The following ITSN1 variants were observed in gnomAD, a reference collection of about 807,000 sequenced individuals.
The protein encoded by ITSN1 is intersectin 1, also known as intersectin-1.
Under a neutral mutation model 239.8 loss-of-function variants are expected in ITSN1, and 58 were observed. The ratio of observed to expected loss-of-function variants is 0.24; its 90% CI spans 0.20 to 0.30. The LOEUF is 0.30. ITSN1 is among the 10% of genes least tolerant of loss of function. ITSN1 has a pLI of 1.00. For missense variants in ITSN1, 1,558 were observed against 2,103.3 expected, an observed-to-expected ratio of 0.74 and a Z score of 5.07; for synonymous variants, 780 against 770.8, an observed-to-expected ratio of 1.01 and a Z score of -0.20.
At chr21:33,819,172 A>G in intron 23 of ITSN1, 69 bp from the exon 24 acceptor site, 1 of 1,209,582 alleles carries the variant, frequency 8.3e-7, no homozygotes, top group Non-Finnish European at 1.2e-6. Context: ...TTTAACAGAA[A>G]AATCAGTGTC....
At position 33,768,846 on chromosome 21, in the gene ITSN1, G is replaced by A. The variant is rs189499695; in HGVS notation, c.1042+1018G>A. Reference sequence around the variant, plus strand: ...TTTTGTTCACTGATGAAATACTATTGGAAATATTTTACGTGCAAGCCTGCA... The same window carrying A: ...TTTTGTTCACTGATGAAATACTATTAGAAATATTTTACGTGCAAGCCTGCA... On this transcript the variant is annotated intron_variant, in intron 11 of 39. Transcript: ENST00000381318. Among the ~76,000 whole-genome samples the A allele has an allele frequency of 2.7e-3, 415 of 152,230 alleles. 2 individuals carry two copies. The highest frequency in any genetic ancestry group is 9.6e-3 in the African/African-American group (397 of 41,520).
intron 1 of ITSN1, among the ~76,000 whole-genome samples, chr21:33,713,426 T>G (rs937253396): frequency 6.6e-6 from 1 of 151,856 alleles, no homozygotes; most frequent in Non-Finnish European, 1.5e-5. Context: ...GTATTTTTAG[T>G]AGAGACGGGG....
rs1218525115 is a variant in ITSN1 at position 33,755,301 on chromosome 21, C to T, written c.628C>T (p.Pro210Ser). ...KAQSFDVASVPPVAEWAVPQS... is the reference protein window; with the variant it reads ...KAQSFDVASVSPVAEWAVPQS... Reference sequence around the variant, plus strand: ...TCCTTTTTCTTTTCCCCACAGTGTCCCACCAGTGGCAGAGTGGGCTGTTCC... The same window carrying T: ...TCCTTTTTCTTTTCCCCACAGTGTCTCACCAGTGGCAGAGTGGGCTGTTCC... Residue 210 changes from proline to serine, a missense_variant, in exon 8 of 40, where the codon CCA (proline) becomes TCA (serine). Around this residue, in one of 2 missense-constraint regions of ITSN1, gnomAD observed 982 missense variants for 1,209.9 expected, o/e 0.81. Transcript: ENST00000381318. 1.3e-6 allele frequency: 2 copies of T among 1,593,694 alleles called. No homozygotes were observed. The highest frequency in any genetic ancestry group is 2.7e-5 in the African/African-American group (2 of 74,408).
At chr21:33,724,445 G>A (rs1037049273) in intron 4 of ITSN1, among the ~76,000 whole-genome samples, 6 of 152,206 alleles carry the variant, frequency 3.9e-5, no homozygotes, top group Non-Finnish European at 7.3e-5. Context: ...CAAGAGACCT[G>A]TGGCACCTTT....
chr21:33,822,788 G>T (rs2073761294), intron 24 of ITSN1, among the ~76,000 whole-genome samples: 1 of 152,168 alleles, frequency 6.6e-6, no homozygotes, highest in African/African-American at 2.4e-5. Flanking sequence ...CTGGGATTGG[G>T]TTAGACATTC....
chr21:33,887,715 C>T (rs1986011023), intron 39 of ITSN1, among the ~76,000 whole-genome samples: 1 of 152,166 alleles, frequency 6.6e-6, no homozygotes, highest in Non-Finnish European at 1.5e-5. Context: ...AAGCAATCCT[C>T]CTGCCTCAGC....
intron 21 of ITSN1, among the ~76,000 whole-genome samples, chr21:33,813,392 A>G (rs893456934): frequency 1.3e-5 from 2 of 150,352 alleles, no homozygotes; most frequent in African/African-American, 4.9e-5. Flanking sequence ...TCACTCTGTC[A>G]TCCAGTCCAG....
chr21:33,762,837 T>C (rs535242307), intron 9 of ITSN1, among the ~76,000 whole-genome samples: 1 of 151,774 alleles, frequency 6.6e-6, no homozygotes, highest in East Asian at 2.0e-4. Flanking sequence ...CTAATTTTTG[T>C]TTTTTTAGTA....
intron 1 of ITSN1, among the ~76,000 whole-genome samples, chr21:33,670,125 G>T (rs1819071271): frequency 6.6e-6 from 1 of 152,176 alleles, no homozygotes; most frequent in South Asian, 2.1e-4. Flanking sequence ...AGTTTGAGAA[G>T]CCCAGGTGGT....
intron 1 of ITSN1, among the ~76,000 whole-genome samples, chr21:33,664,456 C>G (rs2089788171): frequency 6.6e-6 from 1 of 152,024 alleles, no homozygotes; most frequent in African/African-American, 2.4e-5. Context: ...TTGGGGAGGG[C>G]CTTAATCTAT....
chr21:33,819,354 GAA>G, intron 24 of ITSN1, 31 bp downstream of exon 24: 18 of 1,496,146 alleles, frequency 1.2e-5, no homozygotes, highest in Non-Finnish European at 1.7e-5. Flanking sequence ...ATGTTCTTCA[GAA>G]GGGTCAAGGA....
At chr21:33,781,674 G>A (rs1440681833) in intron 15 of ITSN1, 126 bp downstream of exon 15, 7 of 599,934 alleles carry the variant, frequency 1.2e-5, no homozygotes, top group Admixed American at 7.0e-5. Flanking sequence ...TCCGCCTCCC[G>A]GGTTCAAGAT....
chr21:33,854,097 G>A (rs1205329719), intron 29 of ITSN1, among the ~76,000 whole-genome samples: 1 of 152,196 alleles, frequency 6.6e-6, no homozygotes, highest in Admixed American at 6.5e-5. Context: ...GTCTTCAAAA[G>A]GGCCTGTGAA....
Position 33,794,373 on chromosome 21 carries a change from C to A in ITSN1, c.1857C>A (p.Leu619=). The change falls in exon 17 of 40, where the codon CTC becomes CTA. Residue 619 remains leucine, a synonymous_variant. Transcript: ENST00000381318. ...GAGAAATACACAATAAGCAACAACT[C>A]CAGAAGCAAAAGTCCATGGAGGCTG... is the stretch of plus-strand genomic sequence containing the variant. ...ELREIHNKQQ[L]QKQKSMEAER... 6.2e-7 allele frequency: 1 copy of A among 1,613,604 alleles called. No homozygotes were observed. Among genetic ancestry groups the A allele is most frequent in the Non-Finnish European group, 8.5e-7 (1 of 1,179,814 alleles).
chr21:33,850,102 T>C (rs1407575307), intron 29 of ITSN1, among the ~76,000 whole-genome samples: 3 of 152,212 alleles, frequency 2.0e-5, no homozygotes, highest in Non-Finnish European at 4.4e-5. Flanking sequence ...TGTGCATATT[T>C]ATGGAAAATT....
Position 33,755,409 on chromosome 21 carries a change from TAA to T in ITSN1, c.724+16_724+17del. On this transcript the variant is annotated intron_variant, in intron 8 of 39. Coordinates refer to ENST00000381318, the MANE Select transcript of ITSN1 (RefSeq NM_003024.3). ...TGGACACTTAACAGGTATTTACAAATAAAAATTAGTGAAATATGATCTTTGTT... is the reference window on the plus strand; with the variant it reads ...TGGACACTTAACAGGTATTTACAAATAAATTAGTGAAATATGATCTTTGTT... The T allele has an allele frequency of 7.4e-7, 1 of 1,357,242 alleles. No homozygotes were observed. The highest frequency in any genetic ancestry group is 1.4e-5 in the African/African-American group (1 of 69,036). 84.1% of individuals were successfully genotyped at this position (1,357,242 alleles called of 1,614,324 possible).
At chr21:33,764,362 C>A (rs954420814) in intron 9 of ITSN1, among the ~76,000 whole-genome samples, 35 of 152,136 alleles carry the variant, frequency 2.3e-4, no homozygotes, top group African/African-American at 8.4e-4. Flanking sequence ...TTACCTAGGA[C>A]TGGCTAATTG....
At chr21:33,732,307 A>G (rs1461309380) in intron 4 of ITSN1, among the ~76,000 whole-genome samples, 4 of 152,252 alleles carry the variant, frequency 2.6e-5, no homozygotes, top group East Asian at 3.9e-4. Flanking sequence ...CCTGAATTCC[A>G]AAAGGGAGGA....
At chr21:33,878,205 A>G (rs976999713) in intron 34 of ITSN1, among the ~76,000 whole-genome samples, 8 of 151,132 alleles carry the variant, frequency 5.3e-5, no homozygotes, top group Non-Finnish European at 4.4e-5. Flanking sequence ...TAATGATTCT[A>G]TTTTTTTTGT....
Sources: allele counts gnomAD v4.1 joint callset (sites outside exome capture counted in the v4.1 genomes callset), GRCh38; gene constraint gnomAD v4.1.1; regional missense constraint gnomAD v4.1.1; transcripts MANE v1.5; gene names NCBI Gene and HGNC (gene_info 2026-07-23, HGNC 2026-07-21).